The following ABCC12 variants were observed in gnomAD, a reference collection of about 807,000 sequenced individuals.
The protein encoded by ABCC12 is ATP binding cassette subfamily C member 12, also known as ATP-binding cassette sub-family C member 12.
In ABCC12, 142 loss-of-function variants were observed where a neutral mutation model predicts 151.1. The observed-to-expected ratio is 0.94, with a 90% CI of 0.82 to 1.08. ABCC12 has a LOEUF of 1.08. Among genes scored for constraint, ABCC12 ranks in the 50% least tolerant of loss-of-function variants. The pLI is 0.00. For missense variants in ABCC12, 1,638 were observed against 1,691.1 expected (o/e 0.97, Z 0.55); for synonymous variants, 645 against 646.4 (o/e 1.00, Z 0.03).
chr16:48,082,597 G>A lies in ABCC12; in HGVS notation c.*1118C>T, dbSNP rs1257726834. ...CCTCCACGTCTGGGGAAGCAAGTACGTGACCAACACTTACAAGGGAAGTGG... is the reference window on the plus strand; with the variant it reads ...CCTCCACGTCTGGGGAAGCAAGTACATGACCAACACTTACAAGGGAAGTGG... On this transcript the variant is annotated 3_prime_UTR_variant, in exon 31 of 31. Coordinates refer to ENST00000311303, the MANE Select transcript of ABCC12 (RefSeq NM_001393797.1). Among the ~76,000 whole-genome samples, 5 of 152,200 alleles carry A rather than the reference G, an allele frequency of 3.3e-5. No individual in the cohort carries two copies. The highest frequency in any genetic ancestry group is 6.5e-5 in the Admixed American group (1 of 15,280).
At chr16:48,090,106 G>T (rs1597301324) in intron 25 of ABCC12, among the ~76,000 whole-genome samples, 1 of 152,178 alleles carries the variant, frequency 6.6e-6, no homozygotes, top group African/African-American at 2.4e-5. Flanking sequence ...GTGATTGCTA[G>T]AATTGGCTAG....
intron 18 of ABCC12, among the ~76,000 whole-genome samples, chr16:48,108,770 C>A (rs1269582673): frequency 2.6e-5 from 4 of 152,204 alleles, no homozygotes; most frequent in Non-Finnish European, 5.9e-5. Flanking sequence ...TAAGCACCTA[C>A]TATATGGTCA....
chr16:48,146,327 A>G lies in ABCC12; in HGVS notation c.98T>C (p.Ile33Thr), dbSNP rs1368104020. 1 of 1,614,072 alleles carries G rather than the reference A, an allele frequency of 6.2e-7. No individual in the cohort carries two copies. Among genetic ancestry groups the G allele is most frequent in the Admixed American group, 1.7e-5 (1 of 60,012 alleles). The change falls in exon 3 of 31, where the codon ATC becomes ACC. Residue 33 changes from isoleucine (I) to threonine (T), a missense_variant. Ile to Thr is a moderately conservative substitution (Grantham distance 89). Transcript: ENST00000311303. ...TTACCTTGCACAGGGTCGCACTGGG[A>G]TCATGGTCTTCAGGCTGGGGTCATA... ...ERYDPSLKTM[I>T]PVRPCARLAP...
chr16:48,107,184 T>A (rs1342698892), intron 20 of ABCC12, 138 bp downstream of exon 20: 2 of 821,472 alleles, frequency 2.4e-6, no homozygotes, highest in African/African-American at 1.7e-5. Context: ...TGTAAGCATC[T>A]GACTCCCACT....
At chr16:48,113,114 G>C (rs911058561) in intron 15 of ABCC12, among the ~76,000 whole-genome samples, 1 of 152,116 alleles carries the variant, frequency 6.6e-6, no homozygotes, top group African/African-American at 2.4e-5. Flanking sequence ...GATACTGCAC[G>C]GTTCATCCAA....
intron 4 of ABCC12, among the ~76,000 whole-genome samples, chr16:48,142,367 TTTGGA>T (rs1964847315): frequency 6.6e-6 from 1 of 152,114 alleles, no homozygotes; most frequent in Non-Finnish European, 1.5e-5. Flanking sequence ...TGTTTAAGCC[TTTGGA>T]TTGGAGGGGT....
chr16:48,112,081 C>A (rs1963715897), intron 15 of ABCC12, among the ~76,000 whole-genome samples, 171 bp from the exon 16 acceptor site: 1 of 152,102 alleles, frequency 6.6e-6, no homozygotes, highest in African/African-American at 2.4e-5. Flanking sequence ...GCCTCTACCC[C>A]ACTAGATGTC....
At position 48,084,077 on chromosome 16, in the gene ABCC12, T is replaced by C; in HGVS notation, c.3829-4A>G. ...TGGCTTCATCAAGGAGAATGATCTG[T>C]GGAGGAGGAAACATTATAAGCCAAA... On this transcript the variant is annotated splice_polypyrimidine_tract_variant and splice_region_variant and intron_variant, in intron 29 of 30. Coordinates refer to ENST00000311303, the MANE Select transcript of ABCC12 (RefSeq NM_001393797.1). 1 of 1,603,598 alleles carries C rather than the reference T, an allele frequency of 6.2e-7. No homozygotes were observed. The highest frequency in any genetic ancestry group is 8.5e-7 in the Non-Finnish European group (1 of 1,177,566).
Position 48,139,325 on chromosome 16 carries a change from T to C in ABCC12, c.669A>G (p.Ile223Met), listed in dbSNP as rs1964725464. ...THISVGEVLN[I>M]LSSDSYSLFE... ...ACAAAGAATAGCTATCACTTGACAG[T>C]ATATTGAGCACCTGGAAAGAAAAGC... The change falls in exon 7 of 31, where the codon ATA becomes ATG. Residue 223 changes from isoleucine (I) to methionine (M), a missense_variant. Coordinates refer to ENST00000311303, the MANE Select transcript of ABCC12 (RefSeq NM_001393797.1). 1.2e-6 allele frequency: 2 copies of C among 1,604,558 alleles called. No individual in the cohort carries two copies. The highest frequency in any genetic ancestry group is 3.3e-4 in the Middle Eastern group (2 of 6,004).
At chr16:48,139,481 T>A in intron 6 of ABCC12, 145 bp from the exon 7 acceptor site, 2 of 794,216 alleles carry the variant, frequency 2.5e-6, no homozygotes, top group Non-Finnish European at 3.9e-6. Context: ...GGGACCAATA[T>A]GATGAGTTTT....
intron 18 of ABCC12, among the ~76,000 whole-genome samples, chr16:48,109,619 C>A (rs1963617812): frequency 6.6e-6 from 1 of 152,262 alleles, no homozygotes; most frequent in South Asian, 2.1e-4. Context: ...AATAGAGCCA[C>A]CATTATACTC....
In ABCC12 at chr16:48,101,014, A is replaced by G; in HGVS notation, c.2901-5T>C. The G allele has an allele frequency of 6.2e-7, 1 of 1,613,712 alleles. No homozygotes were observed. Among genetic ancestry groups the G allele is most frequent in the Non-Finnish European group, 8.5e-7 (1 of 1,179,784 alleles). The stretch of plus-strand genomic sequence containing the variant: ...TGGACTCCTCTGTGGAAAATGCTGG[A>G]AGAAAATTGAAAGGGGCCAGGTGGG... On this transcript the variant is annotated splice_polypyrimidine_tract_variant and splice_region_variant and intron_variant, in intron 22 of 30. Coordinates refer to ENST00000311303, the MANE Select transcript of ABCC12 (RefSeq NM_001393797.1).
At chr16:48,119,254 G>A (rs1367781543) in intron 13 of ABCC12, among the ~76,000 whole-genome samples, 1 of 152,196 alleles carries the variant, frequency 6.6e-6, no homozygotes. Flanking sequence ...AACAATCCGA[G>A]CACGGTCTAC....
At chr16:48,106,055 C>T (rs1443152719) in intron 20 of ABCC12, among the ~76,000 whole-genome samples, 1 of 152,192 alleles carries the variant, frequency 6.6e-6, no homozygotes, top group Non-Finnish European at 1.5e-5. Context: ...TTGGCAGTTT[C>T]GTTTTTCTCT....
chr16:48,138,889 A>C (rs1964701887), intron 7 of ABCC12, among the ~76,000 whole-genome samples: 1 of 152,080 alleles, frequency 6.6e-6, no homozygotes, highest in African/African-American at 2.4e-5. Flanking sequence ...AGACTGCTTG[A>C]GCCCAGGAGG....
Position 48,138,372 on chromosome 16 carries a change from A to G in ABCC12, c.835T>C (p.Phe279Leu). 1 of 1,611,568 alleles carries G rather than the reference A, an allele frequency of 6.2e-7. No individual in the cohort carries two copies. Residue 279 changes from phenylalanine (F) to leucine (L), a missense_variant, in exon 8 of 31, where the codon TTT becomes CTT. Transcript: ENST00000311303. ...VYVIFIPVQM[F>L]MAKLNSAFRR... ...AAAGCTGAATTGAGCTTGGCCATAA[A>G]CATCTGAAATCAAGGTACAAACACT...
chr16:48,098,899 G>GCA (rs1287324384), intron 23 of ABCC12, among the ~76,000 whole-genome samples: 2 of 152,208 alleles, frequency 1.3e-5, no homozygotes, highest in Non-Finnish European at 2.9e-5. Flanking sequence ...ATGTGTGTTT[G>GCA]TTGTGGGTGA....
intron 8 of ABCC12, 99 bp downstream of exon 8, chr16:48,138,129 C>G (rs1964672463): frequency 7.3e-7 from 1 of 1,361,436 alleles, no homozygotes; most frequent in Non-Finnish European, 9.8e-7. Context: ...GTCCCCTCAG[C>G]CTCCTTCTGG....
At chr16:48,089,472 A>G (rs1962787037) in intron 25 of ABCC12, among the ~76,000 whole-genome samples, 1 of 152,222 alleles carries the variant, frequency 6.6e-6, no homozygotes, top group Non-Finnish European at 1.5e-5. Flanking sequence ...CTAAGAGTCC[A>G]AGAAATGCAA....
Sources: gnomAD v4.1 joint callset for allele counts (sites outside exome capture counted in the v4.1 genomes callset) on GRCh38, gnomAD v4.1.1 for gene constraint, MANE v1.5 for transcripts, NCBI Gene and HGNC (gene_info 2026-07-23, HGNC 2026-07-21) for gene names.